Variants in EPC2 observed in about 807,000 individuals in gnomAD.
EPC2 encodes the protein enhancer of polycomb homolog 2.
In EPC2, 14 loss-of-function variants were observed where a neutral mutation model predicts 92.1. The observed-to-expected ratio is 0.15, with a 90% CI of 0.10 to 0.24. EPC2 has a LOEUF of 0.24. EPC2 is among the 10% of genes least tolerant of loss of function. EPC2 has a pLI of 1.00. For synonymous variants in EPC2, 340 were observed against 334.7 expected (o/e 1.02, Z -0.17); for missense variants, 755 against 971.5 (o/e 0.78, Z 2.96).
intron 1 of EPC2, among the ~76,000 whole-genome samples, chr2:148,663,071 G>A (rs1680972395): frequency 6.6e-6 from 1 of 151,650 alleles, no homozygotes; most frequent in South Asian, 2.1e-4. Context: ...CTGCAAGTAG[G>A]GTGAGATGAT....
At chr2:148,748,285 G>A (rs887205428) in intron 3 of EPC2, among the ~76,000 whole-genome samples, 5 of 151,986 alleles carry the variant, frequency 3.3e-5, no homozygotes, top group African/African-American at 9.7e-5. Flanking sequence ...CATGCTACCT[G>A]TACAGCCCGC....
intron 2 of EPC2, among the ~76,000 whole-genome samples, chr2:148,716,170 A>G (rs1005396836): frequency 6.6e-6 from 1 of 152,214 alleles, no homozygotes; most frequent in Admixed American, 6.5e-5. Flanking sequence ...ATCTGCAACC[A>G]AAGATAATTT....
At chr2:148,658,613 A>G (rs138414978) in intron 1 of EPC2, among the ~76,000 whole-genome samples, 76,877 of 128,174 alleles carry the variant, frequency 0.6, 23,020 homozygotes, top group Non-Finnish European at 0.72. Context: ...GTGTGTATAT[A>G]TATATATATA....
Position 148,644,778 on chromosome 2 carries a change from G to A in EPC2, c.-240G>A, listed in dbSNP as rs1683755428. On this transcript the variant is annotated 5_prime_UTR_variant, in exon 1 of 14. Coordinates refer to ENST00000258484, the MANE Select transcript of EPC2 (RefSeq NM_015630.4). ...TAATGTCCGCCATGTTGGCCATGGC[G>A]CAGGGAGCGGATCGGGCGGGCGAGC... 2.3e-6 allele frequency: 1 copy of A among 428,686 alleles called. No individual in the cohort carries two copies. The highest frequency in any genetic ancestry group is 4.2e-6 in the Non-Finnish European group (1 of 239,468). The allele number at this position is 428,686 out of a possible 1,614,324, so 26.6% of individuals were successfully genotyped here. A position where few individuals can be genotyped will look rare whatever the true frequency, so the allele number is the denominator to read the frequency against.
At chr2:148,715,440 A>G (rs935870196) in intron 2 of EPC2, among the ~76,000 whole-genome samples, 3 of 152,308 alleles carry the variant, frequency 2.0e-5, no homozygotes, top group Non-Finnish European at 2.9e-5. Context: ...TTTTCTGCAT[A>G]TGGCTAGCCA....
intron 3 of EPC2, among the ~76,000 whole-genome samples, chr2:148,746,101 T>A (rs1682979857): frequency 6.6e-6 from 1 of 152,056 alleles, no homozygotes; most frequent in African/African-American, 2.4e-5. Flanking sequence ...TTCATTCAAC[T>A]CCTGTAAACA....
chr2:148,771,837 C>T (rs906535692), intron 10 of EPC2, among the ~76,000 whole-genome samples: 3 of 150,350 alleles, frequency 2.0e-5, no homozygotes, highest in South Asian at 2.1e-4. Context: ...CTCGCTGTGT[C>T]GCCCAGGCTG....
intron 1 of EPC2, among the ~76,000 whole-genome samples, chr2:148,648,900 A>G (rs1369700191): frequency 1.3e-5 from 2 of 152,040 alleles, no homozygotes; most frequent in Non-Finnish European, 1.5e-5. Context: ...TTTCTTCCCT[A>G]TCCTTATTAT....
rs542013401 is a variant in EPC2, at chr2:148,694,453, C to A, written c.313+4080C>A. Among the ~76,000 whole-genome samples the A allele has an allele frequency of 8.3e-4, 127 of 152,250 alleles. 2 individuals are homozygous for A. Among genetic ancestry groups the A allele is most frequent in the Middle Eastern group, 3.4e-3 (1 of 294 alleles). On this transcript the variant is annotated intron_variant, in intron 2 of 13. Coordinates refer to ENST00000258484, the MANE Select transcript of EPC2 (RefSeq NM_015630.4). ...GGGAAGCATCCTGAAGGCACAAAGT[C>A]TTTGATGACCTAAGATAGTAAAACA... is the stretch of plus-strand genomic sequence containing the variant.
rs539178500 is a variant in EPC2, at chr2:148,656,359, C to T, written c.153+11189C>T. Among the ~76,000 whole-genome samples the T allele has an allele frequency of 1.6e-4, 25 of 152,086 alleles. 1 individual carries two copies. In the East Asian group the frequency reaches 3.7e-3, roughly 22 times the overall value. On this transcript the variant is annotated intron_variant, in intron 1 of 13. Coordinates refer to ENST00000258484, the MANE Select transcript of EPC2 (RefSeq NM_015630.4). ...TTTATTTATTGCATTGTGCATAGTG[C>T]TTGTATTCCTATTTTTATACCAAAA...
At chr2:148,746,743 A>G (rs1388735313) in intron 3 of EPC2, among the ~76,000 whole-genome samples, 1 of 152,168 alleles carries the variant, frequency 6.6e-6, no homozygotes, top group African/African-American at 2.4e-5. Flanking sequence ...CTTAAGAAAT[A>G]TACACTTAAG....
Position 148,645,826 on chromosome 2 carries a change from G to A in EPC2, c.153+656G>A, listed in dbSNP as rs557527513. Among the ~76,000 whole-genome samples, 780 of 152,304 alleles carry A rather than the reference G, an allele frequency of 5.1e-3. 8 individuals carry two copies. The highest frequency in any genetic ancestry group is 0.018 in the African/African-American group (745 of 41,558). ...GGCGCGGGGCGGACGGGCTCTGCCT[G>A]CTCCGCCTGGACGGCCGTGCTCCGT... On this transcript the variant is annotated intron_variant, in intron 1 of 13. Coordinates refer to ENST00000258484, the MANE Select transcript of EPC2 (RefSeq NM_015630.4).
At chr2:148,730,202 T>G (rs912899198) in intron 2 of EPC2, among the ~76,000 whole-genome samples, 3 of 152,224 alleles carry the variant, frequency 2.0e-5, no homozygotes, top group Non-Finnish European at 4.4e-5. Flanking sequence ...TGAAGAGTCC[T>G]AGGTATCAGC....
rs2105444926 is a variant in EPC2, at chr2:148,786,695, A to G, written c.*318A>G. On this transcript the variant is annotated 3_prime_UTR_variant, in exon 14 of 14. Transcript: ENST00000258484. The stretch of plus-strand genomic sequence containing the variant: ...TCTTTAATGGGATCATGAGCATGAA[A>G]TGGGATCCTGCATCACTTGTTTTAA... The G allele has an allele frequency of 5.3e-6, 1 of 187,182 alleles. No individual in the cohort carries two copies. Among genetic ancestry groups the G allele is most frequent in the East Asian group, 1.3e-4 (1 of 7,484 alleles). The allele number at this position is 187,182 out of a possible 1,614,324, so 11.6% of individuals were successfully genotyped here. A position where few individuals can be genotyped will look rare whatever the true frequency, so the allele number is the denominator to read the frequency against.
chr2:148,691,153 C>G (rs954092486), intron 2 of EPC2, among the ~76,000 whole-genome samples: 1 of 152,186 alleles, frequency 6.6e-6, no homozygotes, highest in Admixed American at 6.5e-5. Flanking sequence ...AGCGTGAAGA[C>G]TTTTAACAAT....
At chr2:148,678,655 C>G (rs1681326182) in intron 1 of EPC2, among the ~76,000 whole-genome samples, 1 of 152,258 alleles carries the variant, frequency 6.6e-6, no homozygotes, top group Admixed American at 6.5e-5. Context: ...TGCTAAGCCC[C>G]TCATTGCCTG....
At chr2:148,673,353 C>G (rs1558804788) in intron 1 of EPC2, among the ~76,000 whole-genome samples, 1 of 152,070 alleles carries the variant, frequency 6.6e-6, no homozygotes, top group Non-Finnish European at 1.5e-5. Flanking sequence ...TCCCATAAGT[C>G]CCTTAGTGTT....
chr2:148,771,106 T>C lies in EPC2; in HGVS notation c.1439T>C (p.Met480Thr), dbSNP rs375339855. 3 of 1,613,486 alleles carry C rather than the reference T, an allele frequency of 1.9e-6. No homozygotes were observed. Among genetic ancestry groups the C allele is most frequent in the East Asian group, 4.5e-5 (2 of 44,878 alleles). ...GTCCTGAAACAGATAGACCCTGAAA[T>C]GCTGAATAGTTTTTCAAGCTCTTCC... ...DPVLKQIDPE[M>T]LNSFSSSSQT... Residue 480 changes from methionine to threonine, a missense_variant, in exon 10 of 14, where the codon ATG becomes ACG. Met to Thr is a moderately conservative substitution (Grantham distance 81, BLOSUM62 -1). Coordinates refer to ENST00000258484, the MANE Select transcript of EPC2 (RefSeq NM_015630.4).
chr2:148,736,614 A>G (rs1682760794), intron 2 of EPC2, among the ~76,000 whole-genome samples: 1 of 152,130 alleles, frequency 6.6e-6, no homozygotes, highest in African/African-American at 2.4e-5. Flanking sequence ...TACATCATGA[A>G]TTTATATTAC....
Sources: allele counts gnomAD v4.1 joint callset (sites outside exome capture counted in the v4.1 genomes callset), GRCh38; gene constraint gnomAD v4.1.1; transcripts MANE v1.5; gene names NCBI Gene and HGNC (gene_info 2026-07-23, HGNC 2026-07-21).